The following SIPA1L3 variants were observed in gnomAD, a reference collection of about 807,000 sequenced individuals.
SIPA1L3 encodes the protein signal induced proliferation associated 1 like 3.
Under a neutral mutation model 150.1 loss-of-function variants are expected in SIPA1L3, and 59 were observed. That is an observed-to-expected ratio of 0.39 (90% CI 0.32 to 0.49). The LOEUF is 0.49. SIPA1L3 is among the 20% of genes least tolerant of loss of function. The pLI, the probability that SIPA1L3 is intolerant of heterozygous loss-of-function variation, is 0.86. For synonymous variants in SIPA1L3, 1,070 were observed against 1,077.6 expected (o/e 0.99, Z 0.14); for missense variants, 2,211 against 2,489.5 (o/e 0.89, Z 2.38).
chr19:38,117,255 G>C (rs1230465568), intron 8 of SIPA1L3, among the ~76,000 whole-genome samples: 1 of 152,126 alleles, frequency 6.6e-6, no homozygotes, highest in Non-Finnish European at 1.5e-5. Flanking sequence ...GAGCTGGCTG[G>C]CTGCTCGCCG....
Position 38,130,780 on chromosome 19 carries a change from C to A in SIPA1L3, c.3143+8C>A. 6.3e-7 allele frequency: 1 copy of A among 1,587,306 alleles called. No individual in the cohort carries two copies. Among genetic ancestry groups the A allele is most frequent in the Non-Finnish European group, 8.6e-7 (1 of 1,161,804 alleles). ...GGACGGCACTCCCCGGAGGTAAGGG[C>A]CTCCACCTTTCAGCCAGGTGGTGGG... On this transcript the variant is annotated splice_region_variant and intron_variant, in intron 10 of 21. Transcript: ENST00000222345.
Position 38,083,011 on chromosome 19 carries a change from G to A in SIPA1L3, c.1446G>A (p.Gln482=). The A allele has an allele frequency of 6.2e-7, 1 of 1,613,264 alleles. No individual in the cohort carries two copies. Among genetic ancestry groups the A allele is most frequent in the Non-Finnish European group, 8.5e-7 (1 of 1,179,998 alleles). Residue 482 remains glutamine, a synonymous_variant, in exon 3 of 22, where the codon CAG becomes CAA. Coordinates refer to ENST00000222345, the MANE Select transcript of SIPA1L3 (RefSeq NM_015073.3). ...CGGTGTTGGAAGTTCCCAAGGAGCA[G>A]CAGCGGACGCAGAGTCGGCCCCGGC... ...SISVLEVPKE[Q]QRTQSRPRQY... is the part of the protein sequence containing the mutation.
chr19:38,112,311 C>T (rs1410620524), intron 8 of SIPA1L3, among the ~76,000 whole-genome samples: 1 of 152,108 alleles, frequency 6.6e-6, no homozygotes, highest in East Asian at 1.9e-4. Context: ...CACACGCACA[C>T]ATACACACAT....
At chr19:38,005,316 C>T (rs1967914795) in intron 1 of SIPA1L3, among the ~76,000 whole-genome samples, 1 of 152,116 alleles carries the variant, frequency 6.6e-6, no homozygotes, top group African/African-American at 2.4e-5. Context: ...CCCCCCAGAC[C>T]CTGCTTGCTC....
At chr19:38,078,556 GCA>G (rs1237768692) in intron 2 of SIPA1L3, among the ~76,000 whole-genome samples, 3 of 134,214 alleles carry the variant, frequency 2.2e-5, no homozygotes, top group Non-Finnish European at 4.8e-5. Flanking sequence ...ACACAGACAC[GCA>G]CACAGACATA....
At chr19:37,939,364 C>T (rs930232688) in intron 1 of SIPA1L3, among the ~76,000 whole-genome samples, 1 of 141,442 alleles carries the variant, frequency 7.1e-6, no homozygotes, top group Middle Eastern at 3.7e-3. Context: ...TTGCACCATG[C>T]ACTCCAGCCT....
At chr19:38,063,131 C>T (rs1244851365) in intron 2 of SIPA1L3, among the ~76,000 whole-genome samples, 2 of 152,198 alleles carry the variant, frequency 1.3e-5, no homozygotes, top group Non-Finnish European at 2.9e-5. Flanking sequence ...GGCCTGGCTC[C>T]CCGACAGCCC....
At chr19:38,193,844 G>A (rs1407775251) in intron 18 of SIPA1L3, 64 bp downstream of exon 18, 22 of 1,454,116 alleles carry the variant, frequency 1.5e-5, no homozygotes, top group South Asian at 1.1e-4. Flanking sequence ...GGGGATGCCC[G>A]AGCAGGGGCT....
At chr19:38,097,706 G>A (rs111482841) in intron 4 of SIPA1L3, among the ~76,000 whole-genome samples, 39 of 152,220 alleles carry the variant, frequency 2.6e-4, no homozygotes, top group Non-Finnish European at 4.6e-4. Flanking sequence ...ACAGGCATGC[G>A]CCACCACGCC....
chr19:38,202,704 T>G (rs1973116155), intron 20 of SIPA1L3, among the ~76,000 whole-genome samples: 1 of 152,180 alleles, frequency 6.6e-6, no homozygotes, highest in African/African-American at 2.4e-5. Context: ...CTTCGTCTCC[T>G]CCTCTGCAGA....
chr19:37,960,673 C>G (rs1405078616), intron 1 of SIPA1L3, among the ~76,000 whole-genome samples: 2 of 151,852 alleles, frequency 1.3e-5, no homozygotes, highest in African/African-American at 4.8e-5. Context: ...TCCCAAAGTG[C>G]TGGGATTACA....
At chr19:38,045,740 G>A (rs527446571) in intron 2 of SIPA1L3, among the ~76,000 whole-genome samples, 15 of 152,236 alleles carry the variant, frequency 9.9e-5, no homozygotes, top group African/African-American at 3.4e-4. Flanking sequence ...ACTAGCCTGG[G>A]GTGGGCTGGA....
At chr19:37,912,557 G>A (rs1032149656) in intron 1 of SIPA1L3, among the ~76,000 whole-genome samples, 7 of 152,086 alleles carry the variant, frequency 4.6e-5, no homozygotes, top group East Asian at 1.9e-4. Flanking sequence ...GTGCAGTGGC[G>A]TCATCATAGC....
In SIPA1L3 at chr19:38,123,969, G is replaced by A. The variant is rs1377576454; in HGVS notation, c.2868+4087G>A. ...CGGACGGGGTGGCTGGCCGGGCGGG[G>A]GGCCAACCCCCCCCCACCTCCCTCC... On this transcript the variant is annotated intron_variant, in intron 9 of 21. Transcript: ENST00000222345. Among the ~76,000 whole-genome samples, 5 of 121,862 alleles carry A rather than the reference G, an allele frequency of 4.1e-5. 1 individual carries two copies. The East Asian group carries it at 1.8e-3, about 43-fold the overall frequency. 79.9% of individuals were successfully genotyped at this position (121,862 alleles called of 152,430 possible).
At chr19:38,156,055 T>C (rs1971942892) in intron 13 of SIPA1L3, among the ~76,000 whole-genome samples, 1 of 152,004 alleles carries the variant, frequency 6.6e-6, no homozygotes. Flanking sequence ...CACTCCAGCC[T>C]GGGTAACGAG....
rs780624262 is a variant in SIPA1L3 at position 38,141,383 on chromosome 19, A to G, written c.3343A>G (p.Lys1115Glu). The G allele has an allele frequency of 6.2e-7, 1 of 1,613,400 alleles. No homozygotes were observed. The highest frequency in any genetic ancestry group is 2.2e-5 in the East Asian group (1 of 44,862). ...TGCCCAGTCCCTGAGCCGGCCCCTGAAGCAGACCCCCATAGTCCCCTTCCG... is the reference window on the plus strand; with the variant it reads ...TGCCCAGTCCCTGAGCCGGCCCCTGGAGCAGACCCCCATAGTCCCCTTCCG... Reference protein sequence around the residue: ...GHAQSLSRPLKQTPIVPFRES... With the variant: ...GHAQSLSRPLEQTPIVPFRES... Residue 1115 changes from lysine to glutamate, a missense_variant, in exon 11 of 22, where the codon AAG becomes GAG. By Grantham distance (56) the Lys-to-Glu change is moderately conservative. Transcript: ENST00000222345.
intron 15 of SIPA1L3, among the ~76,000 whole-genome samples, chr19:38,174,712 TG>T (rs1972401846): frequency 6.6e-6 from 1 of 151,714 alleles, no homozygotes; most frequent in Non-Finnish European, 1.5e-5. Context: ...TAGCCAGGTG[TG>T]GTGGCGGGTG....
intron 1 of SIPA1L3, among the ~76,000 whole-genome samples, chr19:37,909,501 C>T (rs983633557): frequency 2.6e-5 from 4 of 152,058 alleles, no homozygotes; most frequent in Middle Eastern, 3.2e-3. Context: ...TGAACCACCG[C>T]GCCTGGCTGT....
intron 1 of SIPA1L3, among the ~76,000 whole-genome samples, chr19:37,930,875 A>C: frequency 6.8e-6 from 1 of 147,818 alleles, no homozygotes; most frequent in East Asian, 2.0e-4. Context: ...GCACTCATAC[A>C]ATATGTATCA....
Sources: allele counts gnomAD v4.1 joint callset (sites outside exome capture counted in the v4.1 genomes callset), GRCh38; gene constraint gnomAD v4.1.1; transcripts MANE v1.5; gene names NCBI Gene and HGNC (gene_info 2026-07-23, HGNC 2026-07-21).